Variants in ZDHHC21 observed in about 807,000 individuals in gnomAD.
ZDHHC21 encodes zDHHC palmitoyltransferase 21.
A neutral mutation model predicts 34.6 loss-of-function variants in ZDHHC21; 15 were observed. The observed-to-expected ratio is 0.43, with a 90% CI of 0.29 to 0.67. The LOEUF is 0.67. Ranked by LOEUF, ZDHHC21 falls within the 30% of genes least tolerant of loss-of-function variation. The pLI is 0.14. For synonymous variants in ZDHHC21, 142 were observed against 101.8 expected, an observed-to-expected ratio of 1.40 and a Z score of -2.38; for missense variants, 344 against 327.7, an observed-to-expected ratio of 1.05 and a Z score of -0.38.
In ZDHHC21 at chr9:14,687,544, GC is replaced by G. The variant is rs1166044477; in HGVS notation, c.-176+2792del. 8.0e-5 allele frequency among the ~76,000 whole-genome samples: 12 copies of G among 150,704 alleles called. 1 individual carries two copies. Among genetic ancestry groups the G allele is most frequent in the African/African-American group, 3.0e-4 (12 of 40,058 alleles). On this transcript the variant is annotated intron_variant, in intron 2 of 9. Coordinates refer to ENST00000380916, the MANE Select transcript of ZDHHC21 (RefSeq NM_178566.6). ...CAATTAGCCAGGCATAGTGGCGCCC[GC>G]CTGTAATCCCAGCTACTCGGGAGGC... is the stretch of plus-strand genomic sequence containing the variant.
intron 7 of ZDHHC21, among the ~76,000 whole-genome samples, chr9:14,648,056 C>T (rs910912162): frequency 7.2e-5 from 11 of 152,032 alleles, no homozygotes; most frequent in Non-Finnish European, 1.2e-4. Context: ...CCGTCAGGCT[C>T]CCCCTCTCGG....
At chr9:14,597,360 CTAGCCCAAGCAG>C in the ZDHHC21 span, among the ~76,000 whole-genome samples, 3 of 152,078 alleles carry the variant, frequency 2.0e-5, no homozygotes, top group Non-Finnish European at 4.4e-5. Context: ...ATCCAGCACT[CTAGCCCAAGCAG>C]TATCCTACAT....
the ZDHHC21 span, among the ~76,000 whole-genome samples, chr9:14,592,291 C>G: frequency 6.6e-6 from 1 of 151,956 alleles, no homozygotes; most frequent in East Asian, 1.9e-4. Context: ...TTATTTAATT[C>G]GGTAAAATAC....
the ZDHHC21 span, among the ~76,000 whole-genome samples, chr9:14,595,363 T>C: frequency 6.6e-6 from 1 of 152,122 alleles, no homozygotes; most frequent in African/African-American, 2.4e-5. Flanking sequence ...TGGTACAACA[T>C]AGATAAACCT....
intron 2 of ZDHHC21, among the ~76,000 whole-genome samples, chr9:14,683,416 A>C (rs1837729635): frequency 6.6e-6 from 1 of 152,200 alleles, no homozygotes; most frequent in African/African-American, 2.4e-5. Flanking sequence ...AGAATACTAT[A>C]AACACCTCTA....
chr9:14,610,254 G>A (rs528097412), downstream of ZDHHC21, among the ~76,000 whole-genome samples: 4 of 151,958 alleles, frequency 2.6e-5, no homozygotes, highest in Admixed American at 2.0e-4. Context: ...AAAAGTTTGA[G>A]AACTGTTGTA....
At chr9:14,662,170 T>C in intron 6 of ZDHHC21, 45 bp downstream of exon 6, 1 of 1,403,432 alleles carries the variant, frequency 7.1e-7, no homozygotes, top group East Asian at 2.3e-5. Context: ...ATTTACATTT[T>C]ATTACCCACC....
At chr9:14,676,457 C>A (rs1034591830) in intron 3 of ZDHHC21, among the ~76,000 whole-genome samples, 2 of 151,906 alleles carry the variant, frequency 1.3e-5, no homozygotes, top group South Asian at 4.1e-4. Flanking sequence ...TAAAGGAATA[C>A]CCCCAGTTTC....
intron 8 of ZDHHC21, among the ~76,000 whole-genome samples, chr9:14,624,080 TACTTTAAGAAAA>T (rs1466011044): frequency 6.6e-6 from 1 of 151,924 alleles, no homozygotes; most frequent in African/African-American, 2.4e-5. Flanking sequence ...GGATCGAAAA[TACTTTAAGAAAA>T]ACTATTTAAA....
At chr9:14,627,700 G>A (rs1015285087) in intron 8 of ZDHHC21, among the ~76,000 whole-genome samples, 4 of 152,084 alleles carry the variant, frequency 2.6e-5, no homozygotes, top group African/African-American at 7.2e-5. Context: ...ATAGCTCACT[G>A]TCAGAACCTC....
intron 2 of ZDHHC21, among the ~76,000 whole-genome samples, chr9:14,685,774 A>G (rs1187438860): frequency 6.6e-6 from 1 of 152,238 alleles, no homozygotes; most frequent in African/African-American, 2.4e-5. Flanking sequence ...TTGCAGCACT[A>G]TTCACAATAG....
chr9:14,636,671 A>G (rs1828363840), intron 8 of ZDHHC21, among the ~76,000 whole-genome samples: 1 of 152,202 alleles, frequency 6.6e-6, no homozygotes, highest in Admixed American at 6.5e-5. Context: ...AACAAGTCTC[A>G]AGAAACATGA....
intron 3 of ZDHHC21, among the ~76,000 whole-genome samples, chr9:14,678,857 A>G (rs183817111): frequency 2.0e-5 from 3 of 152,242 alleles, no homozygotes; most frequent in African/African-American, 7.2e-5. Flanking sequence ...TTAAGGCAGA[A>G]AAGAAGGCAG....
chr9:14,690,338 T>A lies in ZDHHC21; in HGVS notation c.-177A>T. 1 of 456,482 alleles carries A rather than the reference T, an allele frequency of 2.2e-6. No homozygotes were observed. 28.3% of individuals were successfully genotyped at this position (456,482 alleles called of 1,614,324 possible). A position where few individuals can be genotyped will look rare whatever the true frequency, so the allele number is the denominator to read the frequency against. On this transcript the variant is annotated splice_region_variant and 5_prime_UTR_variant, in exon 2 of 10. Transcript: ENST00000380916. ...ACCATAAGAAAAATCTCTCCTCACCTGCTTGCTGAAGCTGAAAATCCTGCA... is the reference window on the plus strand; with the variant it reads ...ACCATAAGAAAAATCTCTCCTCACCAGCTTGCTGAAGCTGAAAATCCTGCA...
chr9:14,682,273 A>C (rs995604713), intron 2 of ZDHHC21, among the ~76,000 whole-genome samples: 5 of 152,188 alleles, frequency 3.3e-5, no homozygotes, highest in Admixed American at 1.3e-4. Flanking sequence ...AAGACCCATC[A>C]GTGTGCTGTA....
chr9:14,597,322 C>T, the ZDHHC21 span, among the ~76,000 whole-genome samples: 1 of 152,124 alleles, frequency 6.6e-6, no homozygotes, highest in African/African-American at 2.4e-5. Flanking sequence ...CAGAACAATG[C>T]TGGCTGGACT....
intron 9 of ZDHHC21, 152 bp from the exon 10 acceptor site, chr9:14,619,250 C>T: frequency 1.1e-6 from 1 of 894,746 alleles, no homozygotes; most frequent in Non-Finnish European, 1.6e-6. Flanking sequence ...TTATGGCATG[C>T]AGCTGAGTTT....
chr9:14,643,427 G>A (rs988129544), intron 7 of ZDHHC21, among the ~76,000 whole-genome samples: 3 of 152,086 alleles, frequency 2.0e-5, no homozygotes, highest in Non-Finnish European at 4.4e-5. Flanking sequence ...ATATTGCTAT[G>A]TTTCAGCTGC....
chr9:14,630,939 T>C lies in ZDHHC21; in HGVS notation c.621+8957A>G, dbSNP rs534639746. 1.1e-4 allele frequency among the ~76,000 whole-genome samples: 17 copies of C among 152,192 alleles called. No homozygotes were observed. In the South Asian group the frequency reaches 3.1e-3, roughly 28 times the overall value. ...TTCCATTTCTAGGGCAAAGGCAGAG[T>C]AGATTTAGCATAATTCTTAAGAGCC... On this transcript the variant is annotated intron_variant, in intron 8 of 9. Coordinates refer to ENST00000380916, the MANE Select transcript of ZDHHC21 (RefSeq NM_178566.6).
Sources: allele counts gnomAD v4.1 joint callset (sites outside exome capture counted in the v4.1 genomes callset), GRCh38; gene constraint gnomAD v4.1.1; transcripts MANE v1.5; gene names NCBI Gene and HGNC (gene_info 2026-07-23, HGNC 2026-07-21).